The following KNL1 variants were observed in gnomAD, a reference collection of about 807,000 sequenced individuals.
KNL1 encodes the protein outer kinetochore KNL1 complex subunit KNL1.
A neutral mutation model predicts 201.3 loss-of-function variants in KNL1; 66 were observed. That is an observed-to-expected ratio of 0.33 (90% CI 0.27 to 0.40). KNL1 has a LOEUF of 0.40. Ranked by LOEUF, KNL1 falls within the 10% of genes least tolerant of loss-of-function variation. The pLI is 1.00. For missense variants in KNL1, 2,815 were observed against 2,690.5 expected (o/e 1.05, Z -1.02); for synonymous variants, 895 against 899.2 (o/e 1.00, Z 0.08).
At chr15:40,632,542 C>A (rs978713356) in intron 13 of KNL1, among the ~76,000 whole-genome samples, 8 of 151,778 alleles carry the variant, frequency 5.3e-5, no homozygotes, top group Admixed American at 2.0e-4. Flanking sequence ...GCAGAACTTG[C>A]AAGGAGCCAA....
At position 40,624,050 on chromosome 15, in the gene KNL1, C is replaced by A; in HGVS notation, c.3786C>A (p.Asp1262Glu). 6.2e-7 allele frequency: 1 copy of A among 1,613,892 alleles called. No homozygotes were observed. The highest frequency in any genetic ancestry group is 8.5e-7 in the Non-Finnish European group (1 of 1,179,922). Residue 1262 changes from aspartate to glutamate, a missense_variant, in exon 10 of 26, where the codon GAC becomes GAA. By Grantham distance (45) the Asp-to-Glu change is conservative. Coordinates refer to ENST00000399668, the MANE Select transcript of KNL1 (RefSeq NM_144508.5). ...MDEKVIGKVV[D>E]QACTLEKAQV... Reference sequence around the variant, plus strand: ...AAAAGGTCATAGGGAAAGTTGTAGACCAGGCCTGTACATTGGAAAAAGCGC... The same window carrying A: ...AAAAGGTCATAGGGAAAGTTGTAGAACAGGCCTGTACATTGGAAAAAGCGC...
intron 1 of KNL1, among the ~76,000 whole-genome samples, 179 bp from the exon 2 acceptor site, chr15:40,602,736 C>A (rs1419366092): frequency 6.6e-6 from 1 of 152,014 alleles, no homozygotes; most frequent in Non-Finnish European, 1.5e-5. Context: ...CTGCCTGCCT[C>A]GGCCTCCCAA....
chr15:40,609,055 GAAAC>G, intron 5 of KNL1, 147 bp downstream of exon 5: 3 of 579,306 alleles, frequency 5.2e-6, no homozygotes, highest in South Asian at 4.4e-5. Flanking sequence ...GTTTAAAAGA[GAAAC>G]AAAGCATTCC....
rs1052832569 is a variant in KNL1 at position 40,663,739 on chromosome 15, C to A, written c.*1551C>A. On this transcript the variant is annotated 3_prime_UTR_variant, in exon 26 of 26. Coordinates refer to ENST00000399668, the MANE Select transcript of KNL1 (RefSeq NM_144508.5). ...TAGACAAAAAAATTTACTCAAACTTCATTCAAATCCTAATTGTGATAATTT... is the reference window on the plus strand; with the variant it reads ...TAGACAAAAAAATTTACTCAAACTTAATTCAAATCCTAATTGTGATAATTT... 1.2e-4 allele frequency: 24 copies of A among 192,706 alleles called. No individual in the cohort carries two copies. Among genetic ancestry groups the A allele is most frequent in the African/African-American group, 5.3e-4 (23 of 43,082 alleles). The allele number at this position is 192,706 out of a possible 1,614,324, so 11.9% of individuals were successfully genotyped here. A position where few individuals can be genotyped will look rare whatever the true frequency, so the allele number is the denominator to read the frequency against.
intron 13 of KNL1, 79 bp downstream of exon 13, chr15:40,629,450 A>T (rs1410094640): frequency 1.3e-6 from 1 of 741,724 alleles, no homozygotes; most frequent in African/African-American, 2.0e-5. Flanking sequence ...GAAGAGAGCA[A>T]ATTTTCCTAT....
chr15:40,617,342 T>A (rs1025586177), intron 8 of KNL1, among the ~76,000 whole-genome samples: 2 of 151,878 alleles, frequency 1.3e-5, no homozygotes, highest in African/African-American at 4.9e-5. Context: ...TCACTTAGTT[T>A]AACTTCAGTG....
chr15:40,617,780 C>T lies in KNL1; in HGVS notation c.323-1179C>T, dbSNP rs140442959. The stretch of plus-strand genomic sequence containing the variant: ...TTGAGGAGCACAGCTACCCCATAGG[C>T]AGTGTGCTCAGAATAGCCTGAACTA... On this transcript the variant is annotated intron_variant, in intron 8 of 25. Transcript: ENST00000399668. 2.5e-4 allele frequency among the ~76,000 whole-genome samples: 38 copies of T among 152,088 alleles called. 1 individual carries two copies. The East Asian group carries it at 6.2e-3, about 25-fold the overall frequency.
rs1892429204 is a variant in KNL1 at position 40,618,944 on chromosome 15, CT to C, written c.323-9del. 6 of 1,573,724 alleles carry C rather than the reference CT, an allele frequency of 3.8e-6. No homozygotes were observed. Among genetic ancestry groups the C allele is most frequent in the South Asian group, 1.1e-5 (1 of 87,258 alleles). On this transcript the variant is annotated splice_polypyrimidine_tract_variant and intron_variant, in intron 8 of 25. Coordinates refer to ENST00000399668, the MANE Select transcript of KNL1 (RefSeq NM_144508.5). Reference sequence around the variant, plus strand: ...TTATATTTTCTGACTACAGTTTTTTCTTTTTTCTAAATAGGGATGAACACAT... The same window carrying C: ...TTATATTTTCTGACTACAGTTTTTTCTTTTTCTAAATAGGGATGAACACAT...
chr15:40,625,705 G>T (rs1411914601), intron 10 of KNL1, 65 bp downstream of exon 10: 2 of 1,269,934 alleles, frequency 1.6e-6, no homozygotes, highest in South Asian at 1.3e-5. Context: ...TTCTTAAATT[G>T]TGGGTATTCT....
intron 21 of KNL1, among the ~76,000 whole-genome samples, chr15:40,653,103 C>G (rs1893620211): frequency 6.6e-6 from 1 of 152,272 alleles, no homozygotes; most frequent in South Asian, 2.1e-4. Flanking sequence ...AAAATTAAAA[C>G]TTAGGAATCA....
intron 6 of KNL1, among the ~76,000 whole-genome samples, 172 bp from the exon 7 acceptor site, chr15:40,611,306 A>G (rs531356404): frequency 4.6e-5 from 7 of 151,960 alleles, no homozygotes; most frequent in East Asian, 1.9e-4. Context: ...ACAGGGTTTC[A>G]CCGTGTTGGT....
At chr15:40,611,986 C>A (rs1159601633) in intron 7 of KNL1, among the ~76,000 whole-genome samples, 1 of 151,998 alleles carries the variant, frequency 6.6e-6, no homozygotes, top group Non-Finnish European at 1.5e-5. Flanking sequence ...TCGAGACCAG[C>A]CTGGCCAACA....
Position 40,645,101 on chromosome 15 carries a change from A to G in KNL1, c.5889+14A>G, listed in dbSNP as rs775878456. ...TCTGACAAAGAGGTACTTTTGTCTCATTTTCTGAATGAGAATCAGTGAAGA... is the reference window on the plus strand; with the variant it reads ...TCTGACAAAGAGGTACTTTTGTCTCGTTTTCTGAATGAGAATCAGTGAAGA... On this transcript the variant is annotated intron_variant, in intron 15 of 25. Coordinates refer to ENST00000399668, the MANE Select transcript of KNL1 (RefSeq NM_144508.5). 4.5e-6 allele frequency: 7 copies of G among 1,544,508 alleles called. No individual in the cohort carries two copies. Among genetic ancestry groups the G allele is most frequent in the South Asian group, 1.1e-5 (1 of 89,154 alleles).
rs202099094 is a variant in KNL1 at position 40,624,482 on chromosome 15, T to C, written c.4218T>C (p.Tyr1406=). ...RNLLANQTLV[Y]SQDLGEMTKL... The stretch of plus-strand genomic sequence containing the variant: ...TATTGGCTAATCAAACTTTAGTATA[T>C]AGTCAAGATCTGGGGGAGATGACTA... Residue 1406 remains tyrosine, a synonymous_variant, in exon 10 of 26, where the codon TAT becomes TAC. Transcript: ENST00000399668. 3.1e-6 allele frequency: 5 copies of C among 1,613,836 alleles called. No homozygotes were observed. The African/African-American group carries it at 5.3e-5, about 17-fold the overall frequency.
intron 25 of KNL1, among the ~76,000 whole-genome samples, chr15:40,659,928 T>TGTGTGTGTGTGTGTGTG (rs1216923081): frequency 2.2e-4 from 9 of 40,208 alleles, no homozygotes; most frequent in South Asian, 6.6e-4. Flanking sequence ...GTGTGTGTGT[T>TGTGTGTGTGTGTGTGTG]TGAGATGGAG....
rs1444916452 is a variant in KNL1, at chr15:40,651,476, T to C, written c.6218T>C (p.Leu2073Pro). Residue 2073 changes from leucine (L) to proline (P), a missense_variant, in exon 20 of 26, where the codon CTC becomes CCC. By Grantham distance (98) the Leu-to-Pro change is moderately conservative. Around this residue, in one of 3 missense-constraint regions of KNL1, gnomAD observed 334 missense variants for 362.6 expected, o/e 0.92. Coordinates refer to ENST00000399668, the MANE Select transcript of KNL1 (RefSeq NM_144508.5). ...ATACCTGCTTTTATTTGCAGAAATC[T>C]CTTAGAACTGGAGGTACAAAAAGAG... is the stretch of plus-strand genomic sequence containing the variant. ...KTEEEELQRN[L>P]LELEVQKEQT... is the part of the protein sequence containing the mutation. 3 of 1,594,754 alleles carry C rather than the reference T, an allele frequency of 1.9e-6. No homozygotes were observed. Among genetic ancestry groups the C allele is most frequent in the Admixed American group, 1.8e-5 (1 of 54,328 alleles).
At position 40,600,366 on chromosome 15, in the gene KNL1, C is replaced by T. The variant is rs111934350; in HGVS notation, c.-17-2549C>T. Among the ~76,000 whole-genome samples the T allele has an allele frequency of 7.0e-3, 1,062 of 152,344 alleles. 8 individuals carry two copies. The highest frequency in any genetic ancestry group is 0.024 in the African/African-American group (1,017 of 41,568). On this transcript the variant is annotated intron_variant, in intron 1 of 25. Coordinates refer to ENST00000399668, the MANE Select transcript of KNL1 (RefSeq NM_144508.5). ...TTGGGATTACAGGCATGGGCCACCA[C>T]GCCCGGCTATTTGGGATTTTTATAC... is the stretch of plus-strand genomic sequence containing the variant.
At chr15:40,640,874 A>G in intron 13 of KNL1, 38 bp from the exon 14 acceptor site, 1 of 1,190,350 alleles carries the variant, frequency 8.4e-7, no homozygotes, top group Non-Finnish European at 1.2e-6. Context: ...TTTTGTCTGC[A>G]AGATACCAGT....
At chr15:40,652,723 A>G (rs1263061821) in intron 21 of KNL1, among the ~76,000 whole-genome samples, 2 of 143,532 alleles carry the variant, frequency 1.4e-5, no homozygotes, top group Non-Finnish European at 3.0e-5. Context: ...AGATCGTGCC[A>G]CTGCACTCCA....
Sources: gnomAD v4.1 joint callset for allele counts (sites outside exome capture counted in the v4.1 genomes callset) on GRCh38, gnomAD v4.1.1 for gene constraint, gnomAD v4.1.1 regional missense constraint, MANE v1.5 for transcripts, NCBI Gene and HGNC (gene_info 2026-07-23, HGNC 2026-07-21) for gene names.